The following UGGT2 variants were observed in gnomAD, a reference collection of about 807,000 sequenced individuals.
UGGT2 encodes the protein UDP-glucose:glycoprotein glucosyltransferase 2.
A neutral mutation model predicts 192.1 loss-of-function variants in UGGT2; 180 were observed. That is an observed-to-expected ratio of 0.94 (90% CI 0.83 to 1.06). The LOEUF is 1.06. UGGT2 is among the 50% of genes least tolerant of loss of function. The pLI is 0.00. For synonymous variants in UGGT2, 580 were observed against 591.0 expected (o/e 0.98, Z 0.27); for missense variants, 1,849 against 1,795.7 (o/e 1.03, Z -0.54).
At chr13:95,961,546 T>C (rs2050392540) in intron 12 of UGGT2, among the ~76,000 whole-genome samples, 1 of 152,050 alleles carries the variant, frequency 6.6e-6, no homozygotes, top group Non-Finnish European at 1.5e-5. Flanking sequence ...TTCAAGAAGT[T>C]AAAACACTCC....
At chr13:96,041,414 G>A (rs963015299) in intron 1 of UGGT2, among the ~76,000 whole-genome samples, 2 of 152,148 alleles carry the variant, frequency 1.3e-5, no homozygotes, top group African/African-American at 4.8e-5. Context: ...GGCTGCCAGA[G>A]GTACTGGGAA....
chr13:95,941,692 T>C (rs1176654419), intron 15 of UGGT2, among the ~76,000 whole-genome samples: 1 of 152,188 alleles, frequency 6.6e-6, no homozygotes, highest in Admixed American at 6.5e-5. Flanking sequence ...TCAATCCTCT[T>C]ACACATTTTT....
At chr13:95,968,319 T>C (rs948243324) in intron 12 of UGGT2, among the ~76,000 whole-genome samples, 1 of 152,170 alleles carries the variant, frequency 6.6e-6, no homozygotes, top group Admixed American at 6.5e-5. Flanking sequence ...TATAAAAGCA[T>C]CACAGGATAA....
chr13:95,976,855 T>C (rs1000170345), intron 10 of UGGT2, among the ~76,000 whole-genome samples: 3 of 152,022 alleles, frequency 2.0e-5, no homozygotes, highest in Admixed American at 6.6e-5. Flanking sequence ...AACAGATACA[T>C]AGATCAAAGG....
rs573041252 is a variant in UGGT2 at position 95,829,163 on chromosome 13, C to T, written c.4528+3764G>A. 1.6e-4 allele frequency among the ~76,000 whole-genome samples: 24 copies of T among 152,240 alleles called. No individual in the cohort carries two copies. The East Asian group carries it at 2.7e-3, about 17-fold the overall frequency. ...CTCAATAAATTAGGTATTGATGGGA[C>T]GTATCTCAAAATAATAAGAGCGATT... is the stretch of plus-strand genomic sequence containing the variant. On this transcript the variant is annotated intron_variant, in intron 38 of 38. Coordinates refer to ENST00000376747, the MANE Select transcript of UGGT2 (RefSeq NM_020121.4).
At chr13:96,038,705 C>A (rs2053077489) in intron 1 of UGGT2, among the ~76,000 whole-genome samples, 2 of 150,858 alleles carry the variant, frequency 1.3e-5, no homozygotes, top group Non-Finnish European at 2.9e-5. Flanking sequence ...AAAAGCTGCC[C>A]TTTTTTTGTT....
chr13:96,050,974 A>G lies in UGGT2; in HGVS notation c.158+2181T>C, dbSNP rs142739352. 9.5e-4 allele frequency among the ~76,000 whole-genome samples: 144 copies of G among 152,338 alleles called. 1 individual carries two copies. The highest frequency in any genetic ancestry group is 3.3e-3 in the African/African-American group (136 of 41,584). On this transcript the variant is annotated intron_variant, in intron 1 of 38. Transcript: ENST00000376747. The stretch of plus-strand genomic sequence containing the variant: ...AAATACCATTTGACCCAGCCATCCC[A>G]TTACTGGGTATATACCCAAAGGATT...
intron 6 of UGGT2, 119 bp downstream of exon 6, chr13:95,999,092 C>T: frequency 3.4e-6 from 2 of 582,810 alleles, no homozygotes; most frequent in Non-Finnish European, 2.9e-6. Context: ...ATATGTCCAC[C>T]CCATCTCTAG....
intron 36 of UGGT2, among the ~76,000 whole-genome samples, chr13:95,843,025 T>C (rs941985264): frequency 2.6e-5 from 4 of 152,184 alleles, no homozygotes; most frequent in African/African-American, 9.7e-5. Flanking sequence ...AGGTAACAAA[T>C]ACAGGGGGGT....
At chr13:95,957,859 T>A (rs1012761611) in intron 12 of UGGT2, among the ~76,000 whole-genome samples, 1 of 152,188 alleles carries the variant, frequency 6.6e-6, no homozygotes, top group Non-Finnish European at 1.5e-5. Flanking sequence ...CAGATACAAG[T>A]ATTAAGATTA....
At chr13:95,957,406 C>G (rs78760835) in intron 12 of UGGT2, among the ~76,000 whole-genome samples, 3,533 of 152,266 alleles carry the variant, frequency 0.023, 134 homozygotes, top group African/African-American at 0.081. Flanking sequence ...CAGCTATACT[C>G]CTTATGGACT....
intron 27 of UGGT2, among the ~76,000 whole-genome samples, chr13:95,882,350 A>G (rs1203603394): frequency 6.6e-6 from 1 of 152,238 alleles, no homozygotes; most frequent in Non-Finnish European, 1.5e-5. Context: ...GTGTTTGTAC[A>G]GTGTTTGGGA....
chr13:96,038,485 C>T (rs1434103492), intron 1 of UGGT2, among the ~76,000 whole-genome samples: 1 of 152,198 alleles, frequency 6.6e-6, no homozygotes, highest in East Asian at 1.9e-4. Flanking sequence ...TGATATATTA[C>T]TATCCTAGGG....
Position 95,948,096 on chromosome 13 carries a change from G to A in UGGT2, c.1456-15C>T, listed in dbSNP as rs756174812. 2.5e-6 allele frequency: 4 copies of A among 1,595,056 alleles called. No individual in the cohort carries two copies. The highest frequency in any genetic ancestry group is 2.7e-5 in the African/African-American group (2 of 74,378). On this transcript the variant is annotated splice_polypyrimidine_tract_variant and intron_variant, in intron 13 of 38. Coordinates refer to ENST00000376747, the MANE Select transcript of UGGT2 (RefSeq NM_020121.4). ...ATAAACAGAACCTAAAAGAAAGATA[G>A]TATATATCACTATTTCAACACCTTA...
intron 8 of UGGT2, among the ~76,000 whole-genome samples, chr13:95,989,244 A>G (rs1015132626): frequency 6.6e-6 from 1 of 152,134 alleles, no homozygotes; most frequent in African/African-American, 2.4e-5. Flanking sequence ...TAATGTCATT[A>G]TTTACATCAC....
Position 95,846,389 on chromosome 13 carries a change from C to T in UGGT2, c.4284+7154G>A, listed in dbSNP as rs563038992. Among the ~76,000 whole-genome samples, 14 of 136,336 alleles carry T rather than the reference C, an allele frequency of 1.0e-4. No individual in the cohort carries two copies. In the East Asian group the frequency reaches 3.3e-3, roughly 32 times the overall value. The allele number at this position is 136,336 out of a possible 152,430, so 89.4% of individuals were successfully genotyped here. The stretch of plus-strand genomic sequence containing the variant: ...AGATGGCGGCAGTACAGTCCAGCCT[C>T]GGCTGGGCATCAGAGGGAGACCGTG... On this transcript the variant is annotated intron_variant, in intron 36 of 38. Coordinates refer to ENST00000376747, the MANE Select transcript of UGGT2 (RefSeq NM_020121.4).
chr13:95,997,815 T>G (rs2051674053), intron 6 of UGGT2, among the ~76,000 whole-genome samples: 1 of 152,056 alleles, frequency 6.6e-6, no homozygotes, highest in Non-Finnish European at 1.5e-5. Context: ...TTCTAAATAG[T>G]AAGTAGTTTA....
chr13:95,815,811 A>C (rs1884820122), intron 38 of UGGT2, among the ~76,000 whole-genome samples: 1 of 152,010 alleles, frequency 6.6e-6, no homozygotes, highest in South Asian at 2.1e-4. Context: ...GTCCTCACCA[A>C]ATCTCATCCC....
intron 5 of UGGT2, among the ~76,000 whole-genome samples, chr13:96,011,775 C>T (rs188005919): frequency 6.6e-6 from 1 of 152,036 alleles, no homozygotes; most frequent in Non-Finnish European, 1.5e-5. Context: ...TTGTTGAAAC[C>T]CAACATTGTA....
Sources: gnomAD v4.1 joint callset for allele counts (sites outside exome capture counted in the v4.1 genomes callset) on GRCh38, gnomAD v4.1.1 for gene constraint, MANE v1.5 for transcripts, NCBI Gene and HGNC (gene_info 2026-07-23, HGNC 2026-07-21) for gene names.